The following ANK2 variants were observed in gnomAD, a reference collection of about 807,000 sequenced individuals.
ANK2 encodes the protein ankyrin-2.
ANK2 carries 83 observed loss-of-function variants against 360.5 expected under a neutral mutation model. That is an observed-to-expected ratio of 0.23 (90% confidence interval 0.19 to 0.28). ANK2 has a LOEUF of 0.28. Ranked by LOEUF, ANK2 falls within the 10% of genes least tolerant of loss-of-function variation. The pLI is 1.00. For synonymous variants in ANK2, 1,740 were observed against 1,759.5 expected, an observed-to-expected ratio of 0.99 and a Z score of 0.28; for missense variants, 4,201 against 4,795.7, an observed-to-expected ratio of 0.88 and a Z score of 3.66.
At chr4:113,076,063 C>T (rs1176005803) in intron 1 of ANK2, among the ~76,000 whole-genome samples, 2 of 152,158 alleles carry the variant, frequency 1.3e-5, no homozygotes, top group South Asian at 4.1e-4. Flanking sequence ...AAGAATACTA[C>T]ATTTTGAGAA....
At chr4:113,346,847 C>T (rs999594676) in intron 35 of ANK2, among the ~76,000 whole-genome samples, 3 of 152,286 alleles carry the variant, frequency 2.0e-5, no homozygotes, top group South Asian at 2.1e-4. Flanking sequence ...CACGTAATTC[C>T]TCGAATACTC....
At chr4:113,370,621 A>G (rs998991846) in intron 43 of ANK2, among the ~76,000 whole-genome samples, 4 of 152,106 alleles carry the variant, frequency 2.6e-5, no homozygotes, top group Non-Finnish European at 4.4e-5. Flanking sequence ...TTAGCCAGGT[A>G]TGGTGGCGAG....
intron 1 of ANK2, among the ~76,000 whole-genome samples, chr4:113,154,399 A>G (rs1021027249): frequency 6.6e-6 from 1 of 152,200 alleles, no homozygotes; most frequent in African/African-American, 2.4e-5. Flanking sequence ...ATTTCATTCC[A>G]TTGTTGAGCA....
At chr4:113,360,499 C>T (rs2096137003) in intron 38 of ANK2, among the ~76,000 whole-genome samples, 1 of 151,986 alleles carries the variant, frequency 6.6e-6, no homozygotes, top group Non-Finnish European at 1.5e-5. Context: ...GTTTCATGAA[C>T]AAGATGGTGG....
rs77923216 is a variant in ANK2, at chr4:113,095,474, G to T, written c.84+45662G>T. ...ATGATGAATTTAGGTGCCTGAGAGT[G>T]TGCCTGTGATTTGTATCAGGCACGA... On this transcript the variant is annotated intron_variant, in intron 1 of 45. Transcript: ENST00000357077. 9.5e-3 allele frequency among the ~76,000 whole-genome samples: 1,450 copies of T among 152,264 alleles called. 40 individuals carry two copies. In the East Asian group the frequency reaches 0.1, roughly 11 times the overall value.
chr4:113,181,789 G>GC (rs2098421099), intron 2 of ANK2, among the ~76,000 whole-genome samples: 1 of 152,178 alleles, frequency 6.6e-6, no homozygotes, highest in Non-Finnish European at 1.5e-5. Flanking sequence ...CAGCAAGGAA[G>GC]CAAGCCTGCC....
intron 2 of ANK2, among the ~76,000 whole-genome samples, chr4:113,018,477 C>T (rs2080560893): frequency 6.6e-6 from 1 of 152,184 alleles, no homozygotes; most frequent in Non-Finnish European, 1.5e-5. Flanking sequence ...ATTAAATTTT[C>T]TTTACTATTT....
At chr4:113,257,228 A>T (rs1231808101) in intron 11 of ANK2, among the ~76,000 whole-genome samples, 2 of 152,228 alleles carry the variant, frequency 1.3e-5, no homozygotes, top group Admixed American at 6.5e-5. Flanking sequence ...AAATAAAAAA[A>T]ATATATAATA....
chr4:112,881,687 A>G (rs1016985031), intron 1 of ANK2: 35 of 494,776 alleles, frequency 7.1e-5, no homozygotes, highest in African/African-American at 6.6e-4. Flanking sequence ...TTAGTCACAA[A>G]CACAGTTCTC....
At position 112,971,478 on chromosome 4, in the gene ANK2, G is replaced by C. The variant is rs1032251046; in HGVS notation, c.21+66964G>C. On this transcript the variant is annotated intron_variant, in intron 2 of 30. Transcript: ENST00000503271. ...ATACAAAATTAGTGTGAGGAACCAA[G>C]ACCAATATGGAAAATAGAACATAAG... Among the ~76,000 whole-genome samples, 9 of 152,290 alleles carry C rather than the reference G, an allele frequency of 5.9e-5. No individual in the cohort carries two copies. In the South Asian group the frequency reaches 1.0e-3, roughly 18 times the overall value.
the ANK2 span, among the ~76,000 whole-genome samples, chr4:112,735,900 A>G: frequency 2.0e-5 from 3 of 152,088 alleles, no homozygotes; most frequent in Admixed American, 6.6e-5. Flanking sequence ...ATTTTTCTAC[A>G]TAGGTGACTC....
intron 22 of ANK2, among the ~76,000 whole-genome samples, chr4:113,295,227 T>C (rs1367186222): frequency 6.6e-6 from 1 of 152,178 alleles, no homozygotes; most frequent in Non-Finnish European, 1.5e-5. Flanking sequence ...GAATTATCAG[T>C]GGTGAAAACA....
At chr4:112,724,833 A>G in the ANK2 span, among the ~76,000 whole-genome samples, 2 of 152,210 alleles carry the variant, frequency 1.3e-5, no homozygotes, top group Admixed American at 6.5e-5. Context: ...GTATATACAC[A>G]GCAGAATTGA....
intron 22 of ANK2, among the ~76,000 whole-genome samples, chr4:113,294,359 A>G (rs1161267202): frequency 6.6e-6 from 1 of 152,234 alleles, no homozygotes; most frequent in Non-Finnish European, 1.5e-5. Flanking sequence ...GGATTAAAGA[A>G]TGGCTCTTTA....
At chr4:113,071,432 A>G (rs908316211) in intron 1 of ANK2, among the ~76,000 whole-genome samples, 1 of 152,168 alleles carries the variant, frequency 6.6e-6, no homozygotes, top group Non-Finnish European at 1.5e-5. Context: ...GGCTTCATAA[A>G]CATCTCCATG....
At chr4:112,814,425 G>A (rs369560468), upstream of ANK2, among the ~76,000 whole-genome samples, 7 of 74,320 alleles carry the variant, frequency 9.4e-5, no homozygotes, top group South Asian at 4.9e-4. Flanking sequence ...ACTGGAGAGC[G>A]TTTTTTTGTT....
intron 33 of ANK2, 142 bp downstream of exon 33, chr4:113,342,058 C>A: frequency 2.3e-6 from 2 of 864,272 alleles, no homozygotes; most frequent in Non-Finnish European, 3.5e-6. Flanking sequence ...AGAAGGTCAA[C>A]ATCCAAAATC....
the ANK2 span, among the ~76,000 whole-genome samples, chr4:112,776,200 G>T: frequency 2.0e-5 from 3 of 152,210 alleles, no homozygotes; most frequent in Admixed American, 6.5e-5. Flanking sequence ...CCCAGCTGGG[G>T]CCCCTGTAAC....
At chr4:113,336,476 A>G (rs1487121438) in intron 30 of ANK2, 101 bp from the exon 31 acceptor site, 36 of 1,189,188 alleles carry the variant, frequency 3.0e-5, no homozygotes, top group Non-Finnish European at 4.1e-5. Flanking sequence ...TGTAAGATAA[A>G]AAATACTTTG....
Sources: allele counts gnomAD v4.1 joint callset (sites outside exome capture counted in the v4.1 genomes callset), GRCh38; gene constraint gnomAD v4.1.1; transcripts MANE v1.5; gene names NCBI Gene and HGNC (gene_info 2026-07-23, HGNC 2026-07-21).